The following TIMP3 variants were observed in gnomAD, a reference collection of about 807,000 sequenced individuals.
TIMP3 encodes the protein metalloproteinase inhibitor 3.
A neutral mutation model predicts 30.0 loss-of-function variants in TIMP3; 11 were observed. The observed-to-expected ratio is 0.37, with a 90% CI of 0.23 to 0.61. The LOEUF (loss-of-function observed/expected upper bound fraction) is 0.61. Ranked by LOEUF, TIMP3 falls within the 20% of genes least tolerant of loss-of-function variation. The pLI, the probability that TIMP3 is intolerant of heterozygous loss-of-function variation, is 0.70. For synonymous variants in TIMP3, 112 were observed against 111.3 expected, an observed-to-expected ratio of 1.01 and a Z score of -0.04; for missense variants, 181 against 276.8, an observed-to-expected ratio of 0.65 and a Z score of 2.45.
Position 32,805,794 on chromosome 22 carries a change from T to A in TIMP3, c.121+3672T>A, listed in dbSNP as rs560683766. On this transcript the variant is annotated intron_variant, in intron 1 of 4. Transcript: ENST00000266085. Reference sequence around the variant, plus strand: ...GCTTCAAAAACCTTTCAACTTTCATTGACACATGACATTCTAAGGTGACCA... The same window carrying A: ...GCTTCAAAAACCTTTCAACTTTCATAGACACATGACATTCTAAGGTGACCA... Among the ~76,000 whole-genome samples, 82 of 152,172 alleles carry A rather than the reference T, an allele frequency of 5.4e-4. 1 individual carries two copies. The highest frequency in any genetic ancestry group is 1.9e-3 in the African/African-American group (80 of 41,504).
intron 1 of TIMP3, among the ~76,000 whole-genome samples, chr22:32,830,799 C>T (rs1275215698): frequency 2.0e-5 from 3 of 152,148 alleles, no homozygotes; most frequent in East Asian, 3.9e-4. Flanking sequence ...TCTCTGTGGC[C>T]CCTGGCTTCT....
At chr22:32,848,493 A>G (rs1834681257) in intron 1 of TIMP3, among the ~76,000 whole-genome samples, 1 of 152,218 alleles carries the variant, frequency 6.6e-6, no homozygotes, top group Non-Finnish European at 1.5e-5. Flanking sequence ...AGAGCAGTAA[A>G]TAAGTGAAAT....
chr22:32,858,220 C>T, intron 4 of TIMP3, 82 bp downstream of exon 4: 1 of 1,581,156 alleles, frequency 6.3e-7, no homozygotes, highest in Non-Finnish European at 8.6e-7. Flanking sequence ...GCACTGGGTG[C>T]CAGGCCCTCG....
At position 32,858,112 on chromosome 22, in the gene TIMP3, C is replaced by T. The variant is rs1483440742; in HGVS notation, c.412C>T (p.Arg138Trp). The part of the protein sequence containing the change: ...TLSQRKGLNY[R>W]YHLGCNCKIK... Reference sequence around the variant, plus strand: ...CTCCCAGCGCAAGGGGCTGAACTATCGGTATCACCTGGGTTGTAACTGCAA... The same window carrying T: ...CTCCCAGCGCAAGGGGCTGAACTATTGGTATCACCTGGGTTGTAACTGCAA... Residue 138 changes from arginine to tryptophan, a missense_variant, in exon 4 of 5, where the codon CGG becomes TGG. Around this residue, in one of 3 missense-constraint regions of TIMP3, gnomAD observed 63 missense variants for 133.3 expected, o/e 0.47. Transcript: ENST00000266085. 2 of 1,614,156 alleles carry T rather than the reference C, an allele frequency of 1.2e-6. No homozygotes were observed. Among genetic ancestry groups the T allele is most frequent in the Non-Finnish European group, 1.7e-6 (2 of 1,180,008 alleles).
At chr22:32,835,162 GAC>G (rs1283215014) in intron 1 of TIMP3, among the ~76,000 whole-genome samples, 2 of 152,220 alleles carry the variant, frequency 1.3e-5, no homozygotes, top group Non-Finnish European at 2.9e-5. Flanking sequence ...CATACTGGGT[GAC>G]AGAGTGCACA....
At chr22:32,849,721 G>C (rs2048166395) in intron 2 of TIMP3, among the ~76,000 whole-genome samples, 187 bp downstream of exon 2, 1 of 152,250 alleles carries the variant, frequency 6.6e-6, no homozygotes, top group Non-Finnish European at 1.5e-5. Flanking sequence ...AGGGGGCATG[G>C]GGCTGCCTTG....
At chr22:32,843,081 A>T (rs1339626027) in intron 1 of TIMP3, among the ~76,000 whole-genome samples, 5 of 146,136 alleles carry the variant, frequency 3.4e-5, no homozygotes, top group Admixed American at 6.8e-5. Context: ...GGGACCTCCC[A>T]TTTTTTTTTT....
chr22:32,844,566 A>C (rs368633323), intron 1 of TIMP3, among the ~76,000 whole-genome samples: 1 of 152,340 alleles, frequency 6.6e-6, no homozygotes, highest in East Asian at 1.9e-4. Flanking sequence ...CAGGCGCATG[A>C]TATATTCAAG....
intron 1 of TIMP3, among the ~76,000 whole-genome samples, chr22:32,813,172 T>C (rs1165943363): frequency 6.6e-6 from 1 of 152,198 alleles, no homozygotes; most frequent in African/African-American, 2.4e-5. Flanking sequence ...CAAATATGTT[T>C]ATGGTTCCCC....
In TIMP3 at chr22:32,857,320, C is replaced by A. The variant is rs748376473; in HGVS notation, c.276C>A (p.Gly92=). 29 of 1,614,090 alleles carry A rather than the reference C, an allele frequency of 1.8e-5. 1 individual carries two copies. The South Asian group carries it at 3.0e-4, about 17-fold the overall frequency. Residue 92 remains glycine (G), a synonymous_variant, in exon 3 of 5, where the codon GGC becomes GGA. Coordinates refer to ENST00000266085, the MANE Select transcript of TIMP3 (RefSeq NM_000362.5). Reference sequence around the variant, plus strand: ...CGGAAGCTTCCGAGAGTCTCTGTGGCCTTAAGCTGGAGGTCAACAAGTACC... The same window carrying A: ...CGGAAGCTTCCGAGAGTCTCTGTGGACTTAAGCTGGAGGTCAACAAGTACC... The part of the protein sequence containing the change: ...IHTEASESLC[G]LKLEVNKYQY...
At position 32,860,779 on chromosome 22, in the gene TIMP3, G is replaced by A. The variant is rs2048512736; in HGVS notation, c.*1402G>A. 6.6e-6 allele frequency: 1 copy of A among 152,118 alleles called. No homozygotes were observed. Among genetic ancestry groups the A allele is most frequent in the Non-Finnish European group, 1.5e-5 (1 of 68,034 alleles). The allele number at this position is 152,118 out of a possible 1,614,324, so 9.4% of individuals were successfully genotyped here. A position where few individuals can be genotyped will look rare whatever the true frequency, so the allele number is the denominator to read the frequency against. ...TGGAGGGACACCTCTCCTGGGTGTG[G>A]AGACAGCTTGGTTCCCTTTCCCTAG... On this transcript the variant is annotated 3_prime_UTR_variant, in exon 5 of 5. Transcript: ENST00000266085.
Position 32,837,993 on chromosome 22 carries a change from C to T in TIMP3, c.122-11459C>T, listed in dbSNP as rs576189682. 8.1e-4 allele frequency among the ~76,000 whole-genome samples: 124 copies of T among 152,350 alleles called. No homozygotes were observed. Among genetic ancestry groups the T allele is most frequent in the African/African-American group, 2.8e-3 (116 of 41,582 alleles). On this transcript the variant is annotated intron_variant, in intron 1 of 4. Transcript: ENST00000266085. The surrounding 1 kb of genome is among the most constrained non-coding windows in gnomAD (Gnocchi z 4.1). ...GTCTCTAGTGATTCTCTGATCCCAG[C>T]TCAGGCAGGATGTCTCCCTCCGGCG...
intron 1 of TIMP3, among the ~76,000 whole-genome samples, chr22:32,808,150 T>C (rs1335328515): frequency 2.6e-5 from 4 of 152,232 alleles, no homozygotes; most frequent in African/African-American, 9.6e-5. Flanking sequence ...TTTATTTTGC[T>C]TTCAGAATAA....
Position 32,843,531 on chromosome 22 carries a change from G to A in TIMP3, c.122-5921G>A, listed in dbSNP as rs143731715. The stretch of plus-strand genomic sequence containing the variant: ...TGAGCACTCCGGCCTCAGCAAGGCC[G>A]CTCCCTTTGTCATCCTGTGGGAGAT... On this transcript the variant is annotated intron_variant, in intron 1 of 4. Coordinates refer to ENST00000266085, the MANE Select transcript of TIMP3 (RefSeq NM_000362.5). Among the ~76,000 whole-genome samples the A allele has an allele frequency of 8.8e-4, 134 of 152,320 alleles. 1 individual carries two copies. The East Asian group carries it at 0.022, about 25-fold the overall frequency.
chr22:32,837,812 C>G lies in TIMP3; in HGVS notation c.122-11640C>G, dbSNP rs1462791520. Among the ~76,000 whole-genome samples, 1 of 152,168 alleles carries G rather than the reference C, an allele frequency of 6.6e-6. No individual in the cohort carries two copies. Among genetic ancestry groups the G allele is most frequent in the African/African-American group, 2.4e-5 (1 of 41,438 alleles). On this transcript the variant is annotated intron_variant, in intron 1 of 4. Transcript: ENST00000266085. This position sits in a 1 kb window ranked among gnomAD's most constrained non-coding sequence, Gnocchi z 4.1. ...CACTGTCCCATGTTGGAGCAAGACCCAACCTACCAAGCTGGGAGTTACCGC... is the reference window on the plus strand; with the variant it reads ...CACTGTCCCATGTTGGAGCAAGACCGAACCTACCAAGCTGGGAGTTACCGC...
Position 32,859,097 on chromosome 22 carries a change from G to C in TIMP3, c.439-83G>C, listed in dbSNP as rs757342787. 6.0e-5 allele frequency: 85 copies of C among 1,415,726 alleles called. 2 individuals are homozygous for C. The Middle Eastern group carries it at 4.4e-3, about 73-fold the overall frequency. 87.7% of individuals were successfully genotyped at this position (1,415,726 alleles called of 1,614,324 possible). On this transcript the variant is annotated intron_variant, in intron 4 of 4. Transcript: ENST00000266085. ...CTAGGCTTCCCATGCAGTGGCCCCAGGGTCTGAATCCAGGCTCGGTAGCCT... is the reference window on the plus strand; with the variant it reads ...CTAGGCTTCCCATGCAGTGGCCCCACGGTCTGAATCCAGGCTCGGTAGCCT...
intron 1 of TIMP3, among the ~76,000 whole-genome samples, chr22:32,839,874 G>C (rs1336892474): frequency 6.6e-6 from 1 of 151,942 alleles, no homozygotes; most frequent in African/African-American, 2.4e-5. Context: ...CCCCTTCCCG[G>C]CCCCTTCATT....
Position 32,859,605 on chromosome 22 carries a change from G to T in TIMP3, c.*228G>T. The T allele has an allele frequency of 3.6e-6, 2 of 556,414 alleles. No homozygotes were observed. Among genetic ancestry groups the T allele is most frequent in the Non-Finnish European group, 3.1e-6 (1 of 320,136 alleles). The allele number at this position is 556,414 out of a possible 1,614,324, so 34.5% of individuals were successfully genotyped here. Reference sequence around the variant, plus strand: ...TTTTGACATCATTCATTTCCACCTGGGAATTTCTGGTGCCATGCCAGAAAG... The same window carrying T: ...TTTTGACATCATTCATTTCCACCTGTGAATTTCTGGTGCCATGCCAGAAAG... On this transcript the variant is annotated 3_prime_UTR_variant, in exon 5 of 5. Transcript: ENST00000266085.
chr22:32,839,516 C>T (rs961740623), intron 1 of TIMP3, among the ~76,000 whole-genome samples: 1 of 152,146 alleles, frequency 6.6e-6, no homozygotes, highest in Non-Finnish European at 1.5e-5. Flanking sequence ...ACAGTCCTCC[C>T]TCCCCAGGTA....
Sources: gnomAD v4.1 joint callset for allele counts (sites outside exome capture counted in the v4.1 genomes callset) on GRCh38, gnomAD v4.1.1 for gene constraint, gnomAD v4.1.1 regional missense constraint, Gnocchi (gnomAD v3.1) non-coding constraint, MANE v1.5 for transcripts, NCBI Gene and HGNC (gene_info 2026-07-23, HGNC 2026-07-21) for gene names.